PLCH1: variants seen among roughly 807,000 people sequenced by gnomAD.
The protein encoded by PLCH1 is 1-phosphatidylinositol 4,5-bisphosphate phosphodiesterase eta-1.
Under a neutral mutation model 126.7 loss-of-function variants are expected in PLCH1, and 60 were observed. The ratio of observed to expected loss-of-function variants is 0.47; its 90% CI spans 0.38 to 0.59. PLCH1 has a LOEUF of 0.59. PLCH1 is among the 20% of genes least tolerant of loss of function. The probability of loss-of-function intolerance (pLI) is 0.00; values close to 1 mark genes in which losing one functional copy is unlikely to be tolerated. For missense variants in PLCH1, 1,723 were observed against 2,040.0 expected (o/e 0.84, Z 2.99); for synonymous variants, 719 against 734.9 (o/e 0.98, Z 0.35).
intron 8 of PLCH1, among the ~76,000 whole-genome samples, chr3:155,556,089 A>C (rs554510191): frequency 1.3e-5 from 2 of 152,356 alleles, no homozygotes; most frequent in South Asian, 4.1e-4. Context: ...GTCAAACATA[A>C]ACATTTCTGC....
intron 10 of PLCH1, among the ~76,000 whole-genome samples, chr3:155,527,390 C>T (rs1722096021): frequency 6.6e-6 from 1 of 152,190 alleles, no homozygotes; most frequent in Non-Finnish European, 1.5e-5. Flanking sequence ...CCCGCTTCCT[C>T]CCTCCATAGG....
chr3:155,685,905 T>C (rs1744899489), intron 2 of PLCH1, among the ~76,000 whole-genome samples: 1 of 152,156 alleles, frequency 6.6e-6, no homozygotes, highest in South Asian at 2.1e-4. Context: ...AAGAACTTGG[T>C]AGGATTTACA....
intron 1 of PLCH1, among the ~76,000 whole-genome samples, chr3:155,744,124 G>A (rs1749813065): frequency 6.6e-6 from 1 of 152,162 alleles, no homozygotes; most frequent in African/African-American, 2.4e-5. Flanking sequence ...AAGGAGGGGA[G>A]AGGGCGTCGC....
At chr3:155,637,726 T>A (rs1265174789) in intron 2 of PLCH1, among the ~76,000 whole-genome samples, 3 of 152,186 alleles carry the variant, frequency 2.0e-5, no homozygotes, top group Non-Finnish European at 4.4e-5. Context: ...ACAATTATCA[T>A]ACATCAATAA....
intron 10 of PLCH1, among the ~76,000 whole-genome samples, chr3:155,536,931 T>A (rs886419586): frequency 7.9e-5 from 12 of 152,052 alleles, no homozygotes; most frequent in African/African-American, 2.9e-4. Flanking sequence ...GGCAAAAGCA[T>A]TAGGTAGTCT....
At chr3:155,610,364 GAAAAAAA>G (rs569174791) in intron 2 of PLCH1, among the ~76,000 whole-genome samples, 4 of 39,466 alleles carry the variant, frequency 1.0e-4, no homozygotes, top group Non-Finnish European at 1.8e-4. Flanking sequence ...TGCGTCTGGA[GAAAAAAA>G]AAAAAAAAAA....
chr3:155,703,585 C>T (rs912502675), intron 2 of PLCH1, among the ~76,000 whole-genome samples: 5 of 152,142 alleles, frequency 3.3e-5, no homozygotes, highest in African/African-American at 1.2e-4. Flanking sequence ...AGTCCTCCAC[C>T]CTGATAGTAA....
At chr3:155,704,041 T>A (rs968781834) in intron 2 of PLCH1, 105 bp downstream of exon 2, 9 of 452,596 alleles carry the variant, frequency 2.0e-5, no homozygotes, top group Non-Finnish European at 3.3e-5. Context: ...AAGCTCTTGG[T>A]TCCATCCAAC....
At chr3:155,678,909 T>C (rs1460820995) in intron 2 of PLCH1, among the ~76,000 whole-genome samples, 1 of 152,226 alleles carries the variant, frequency 6.6e-6, no homozygotes, top group Non-Finnish European at 1.5e-5. Context: ...ACAATATTTC[T>C]GAGTTCAGCT....
chr3:155,495,181 C>T lies in PLCH1; in HGVS notation c.1895-664G>A, dbSNP rs180931406. On this transcript the variant is annotated intron_variant, in intron 15 of 22. Coordinates refer to ENST00000460012, the MANE Select transcript of PLCH1 (RefSeq NM_014996.4). ...AGAACAAAGACAGACATTCACCTAG[C>T]CACGCATATAAACTATGGAACAAAG... Among the ~76,000 whole-genome samples, 8 of 152,134 alleles carry T rather than the reference C, an allele frequency of 5.3e-5. No homozygotes were observed. The East Asian group carries it at 1.5e-3, about 29-fold the overall frequency.
Position 155,485,411 on chromosome 3 carries a change from C to G in PLCH1, c.2919G>C (p.Leu973Phe). The G allele has an allele frequency of 1.9e-6, 3 of 1,610,574 alleles. No homozygotes were observed. Among genetic ancestry groups the G allele is most frequent in the Admixed American group, 1.7e-5 (1 of 59,982 alleles). The change falls in exon 22 of 23, where the codon TTG (leucine) becomes TTC (phenylalanine). Residue 973 changes from leucine to phenylalanine, a missense_variant. Leu to Phe is a conservative substitution (Grantham distance 22, BLOSUM62 0). Transcript: ENST00000460012. ...TTGCTGTTTCAGATACAGGCAGCGA[C>G]AAAGCTCCCAGAAGGTTTCTGTCAA... Reference protein sequence around the residue: ...MPVDRNLLGALSLPVSETAKD... With the variant: ...MPVDRNLLGAFSLPVSETAKD...
At chr3:155,560,052 T>C (rs1466836214) in intron 8 of PLCH1, among the ~76,000 whole-genome samples, 1 of 152,160 alleles carries the variant, frequency 6.6e-6, no homozygotes. Flanking sequence ...ATACTGATTT[T>C]GGACAGGTAA....
Position 155,732,711 on chromosome 3 carries a change from C to T in PLCH1, c.-41+12129G>A, listed in dbSNP as rs143049193. Among the ~76,000 whole-genome samples, 848 of 151,734 alleles carry T rather than the reference C, an allele frequency of 5.6e-3. 5 individuals are homozygous for T. Among genetic ancestry groups the T allele is most frequent in the Middle Eastern group, 0.01 (3 of 294 alleles). On this transcript the variant is annotated intron_variant, in intron 1 of 22. Transcript: ENST00000460012. ...TAGCCAAAGTAATGAAACCCCATCT[C>T]CACTAAAAATACAAAAGTTATCTGT...
intron 10 of PLCH1, among the ~76,000 whole-genome samples, chr3:155,534,994 C>A (rs1261781638): frequency 6.6e-6 from 1 of 152,158 alleles, no homozygotes; most frequent in Non-Finnish European, 1.5e-5. Context: ...TCAGGTATTT[C>A]TTTATAGCAG....
Position 155,572,213 on chromosome 3 carries a change from C to T in PLCH1, c.772-3889G>A, listed in dbSNP as rs986966042. On this transcript the variant is annotated intron_variant, in intron 6 of 22. Transcript: ENST00000460012. Reference sequence around the variant, plus strand: ...TCTGTCACTCTTGTGAAAGAGCTCTCAGGAAGTAAATTATTTATTTCCCTC... The same window carrying T: ...TCTGTCACTCTTGTGAAAGAGCTCTTAGGAAGTAAATTATTTATTTCCCTC... Among the ~76,000 whole-genome samples, 12 of 152,314 alleles carry T rather than the reference C, an allele frequency of 7.9e-5. 1 individual carries two copies. The South Asian group carries it at 2.5e-3, about 32-fold the overall frequency.
chr3:155,700,404 A>AC (rs1746184669), intron 2 of PLCH1, among the ~76,000 whole-genome samples: 1 of 152,236 alleles, frequency 6.6e-6, no homozygotes, highest in African/African-American at 2.4e-5. Context: ...ATTTAATAAG[A>AC]GAATTACCCT....
At chr3:155,625,324 T>C (rs1577176483) in intron 2 of PLCH1, among the ~76,000 whole-genome samples, 1 of 152,102 alleles carries the variant, frequency 6.6e-6, no homozygotes, top group Non-Finnish European at 1.5e-5. Flanking sequence ...ATCCAGGACA[T>C]AGGCATGGGC....
chr3:155,482,157 G>A lies in PLCH1; in HGVS notation c.3869C>T (p.Ala1290Val), dbSNP rs376193266. Residue 1290 changes from alanine (A) to valine (V), a missense_variant, in exon 23 of 23, where the codon GCG becomes GTG. Coordinates refer to ENST00000460012, the MANE Select transcript of PLCH1 (RefSeq NM_014996.4). ...DDDLSSKAKT[A>V]ALESNLPGSP... Reference sequence around the variant, plus strand: ...TCCAGGCAGGTTGCTTTCTAAGGCCGCTGTCTTGGCCTTACTAGAAAGGTC... The same window carrying A: ...TCCAGGCAGGTTGCTTTCTAAGGCCACTGTCTTGGCCTTACTAGAAAGGTC... 120 of 1,614,060 alleles carry A rather than the reference G, an allele frequency of 7.4e-5. No homozygotes were observed. The highest frequency in any genetic ancestry group is 9.2e-5 in the Non-Finnish European group (108 of 1,179,936).
intron 2 of PLCH1, among the ~76,000 whole-genome samples, chr3:155,688,783 G>A (rs749052826): frequency 1.1e-4 from 17 of 152,188 alleles, no homozygotes; most frequent in Non-Finnish European, 2.1e-4. Context: ...CAGTGGTAGC[G>A]GGTGGCCACA....
Sources: gnomAD v4.1 joint callset for allele counts (sites outside exome capture counted in the v4.1 genomes callset) on GRCh38, gnomAD v4.1.1 for gene constraint, MANE v1.5 for transcripts, NCBI Gene and HGNC (gene_info 2026-07-23, HGNC 2026-07-21) for gene names.